The following SEC24B variants were observed in gnomAD, a reference collection of about 807,000 sequenced individuals.
SEC24B encodes protein transport protein Sec24B.
Under a neutral mutation model 142.8 loss-of-function variants are expected in SEC24B, and 45 were observed. That is an observed-to-expected ratio of 0.32 (90% CI 0.25 to 0.40). SEC24B has a LOEUF of 0.40. Ranked by LOEUF, SEC24B falls within the 10% of genes least tolerant of loss-of-function variation. The probability of loss-of-function intolerance (pLI) is 1.00; values close to 1 mark genes in which losing one functional copy is unlikely to be tolerated. For missense variants in SEC24B, 1,409 were observed against 1,526.8 expected (o/e 0.92, Z 1.29); for synonymous variants, 574 against 568.2 (o/e 1.01, Z -0.15).
At chr4:109,534,471 C>T (rs1725283836) in intron 22 of SEC24B, among the ~76,000 whole-genome samples, 1 of 151,900 alleles carries the variant, frequency 6.6e-6, no homozygotes, top group South Asian at 2.1e-4. Context: ...CCTGTAGTCC[C>T]AGCTACTCTG....
chr4:109,503,062 CTTT>C (rs200320332), intron 6 of SEC24B, among the ~76,000 whole-genome samples: 2 of 138,402 alleles, frequency 1.4e-5, no homozygotes, highest in Non-Finnish European at 3.1e-5. Context: ...TTCTTTCTTT[CTTT>C]TTTTTTTTTT....
At chr4:109,505,268 C>A (rs1185807115) in intron 6 of SEC24B, among the ~76,000 whole-genome samples, 2 of 151,670 alleles carry the variant, frequency 1.3e-5, no homozygotes, top group East Asian at 1.9e-4. Context: ...CATTCTAATA[C>A]CAAGAAAAGT....
At chr4:109,498,736 A>G (rs998246732) in intron 6 of SEC24B, among the ~76,000 whole-genome samples, 3 of 152,170 alleles carry the variant, frequency 2.0e-5, no homozygotes, top group African/African-American at 7.2e-5. Flanking sequence ...CAGTCATAAT[A>G]AAGTTGAAAT....
At chr4:109,439,846 C>G (rs566454271) in intron 1 of SEC24B, among the ~76,000 whole-genome samples, 92 of 151,492 alleles carry the variant, frequency 6.1e-4, no homozygotes, top group Middle Eastern at 3.4e-3. Flanking sequence ...GTAGGCCGAG[C>G]ATGGTGGCTT....
intron 1 of SEC24B, among the ~76,000 whole-genome samples, chr4:109,446,331 G>T (rs1729458566): frequency 6.6e-6 from 1 of 152,184 alleles, no homozygotes; most frequent in Non-Finnish European, 1.5e-5. Context: ...GATGGAAGGG[G>T]CCACAAGCCA....
intron 7 of SEC24B, among the ~76,000 whole-genome samples, chr4:109,508,986 TATATA>T (rs1338478448): frequency 6.6e-6 from 1 of 152,122 alleles, no homozygotes; most frequent in Non-Finnish European, 1.5e-5. Context: ...AACTAGTAAA[TATATA>T]ATGTAATGTT....
intron 6 of SEC24B, among the ~76,000 whole-genome samples, chr4:109,499,676 G>A (rs983038397): frequency 2.0e-5 from 3 of 152,174 alleles, no homozygotes; most frequent in African/African-American, 4.8e-5. Context: ...TCATAGCACA[G>A]TGCATTACTC....
rs2126054688 is a variant in SEC24B at position 109,513,778 on chromosome 4, C to T, written c.1935C>T (p.Thr645=). The T allele has an allele frequency of 1.2e-6, 2 of 1,612,922 alleles. No individual in the cohort carries two copies. Among genetic ancestry groups the T allele is most frequent in the East Asian group, 2.2e-5 (1 of 44,812 alleles). Residue 645 remains threonine, a synonymous_variant, in exon 10 of 24, where the codon ACC becomes ACT. Coordinates refer to ENST00000265175, the MANE Select transcript of SEC24B (RefSeq NM_006323.5). The part of the protein sequence containing the change: ...VPEEFMYNPL[T]RSYGEPHKRP... ...AAGAATTTATGTATAACCCCCTTACCCGATCTTATGGAGAGCCTCATAAAC... is the reference window on the plus strand; with the variant it reads ...AAGAATTTATGTATAACCCCCTTACTCGATCTTATGGAGAGCCTCATAAAC...
intron 2 of SEC24B, among the ~76,000 whole-genome samples, chr4:109,469,828 G>A (rs1732329361): frequency 1.3e-5 from 2 of 151,996 alleles, no homozygotes; most frequent in Non-Finnish European, 2.9e-5. Context: ...TTTCCTTATT[G>A]AAAGACAACA....
intron 1 of SEC24B, among the ~76,000 whole-genome samples, chr4:109,441,765 A>G (rs905806873): frequency 1.3e-5 from 2 of 152,206 alleles, no homozygotes; most frequent in Non-Finnish European, 1.5e-5. Flanking sequence ...GTATCCAAGA[A>G]GGATAATTGA....
chr4:109,462,005 C>G (rs745537564), intron 1 of SEC24B, among the ~76,000 whole-genome samples: 3 of 152,050 alleles, frequency 2.0e-5, no homozygotes, highest in Non-Finnish European at 4.4e-5. Flanking sequence ...GCCTGGGCAA[C>G]ACAGTGAGAG....
intron 1 of SEC24B, among the ~76,000 whole-genome samples, chr4:109,456,279 T>A (rs532466429): frequency 2.0e-5 from 3 of 151,940 alleles, no homozygotes; most frequent in Non-Finnish European, 4.4e-5. Context: ...TGGAAGATTT[T>A]TTTGGGATTT....
intron 6 of SEC24B, among the ~76,000 whole-genome samples, chr4:109,496,356 G>A (rs759143317): frequency 1.3e-5 from 2 of 152,046 alleles, no homozygotes; most frequent in African/African-American, 2.4e-5. Context: ...CAAGTGATCC[G>A]CCTGCCTCGG....
At position 109,494,679 on chromosome 4, in the gene SEC24B, TGCTCCAGCTCCA is replaced by T. The variant is rs746452238; in HGVS notation, c.1315_1326del (p.Pro439_Ala442del). ...CCGCCCCTGAACCTGATCCTGCTTCTGCTCCAGCTCCAGCTTCAGCTCCAGCTCCTGTCGTCC... is the reference window on the plus strand; with the variant it reads ...CCGCCCCTGAACCTGATCCTGCTTCTGCTTCAGCTCCAGCTCCTGTCGTCC... On this transcript the variant is annotated inframe_deletion, in exon 6 of 24. Coordinates refer to ENST00000265175, the MANE Select transcript of SEC24B (RefSeq NM_006323.5). 6.2e-7 allele frequency: 1 copy of T among 1,613,880 alleles called. No individual in the cohort carries two copies. The highest frequency in any genetic ancestry group is 2.2e-5 in the East Asian group (1 of 44,884).
rs1012544428 is a variant in SEC24B, at chr4:109,539,844, G to A, written c.*169G>A. 5.2e-6 allele frequency: 3 copies of A among 576,316 alleles called. No individual in the cohort carries two copies. Among genetic ancestry groups the A allele is most frequent in the East Asian group, 2.9e-5 (1 of 34,466 alleles). The allele number at this position is 576,316 out of a possible 1,614,324, so 35.7% of individuals were successfully genotyped here. A position where few individuals can be genotyped will look rare whatever the true frequency, so the allele number is the denominator to read the frequency against. On this transcript the variant is annotated 3_prime_UTR_variant, in exon 24 of 24. Transcript: ENST00000265175. ...GTAAAGGGGAAGAAAGAACTTGACA[G>A]ATCTTTTTCAACTCAAATTAATGGT...
rs539104834 is a variant in SEC24B, at chr4:109,444,214, CAA to C, written c.133+10229_133+10230del. ...GGGCAACAAGAGCTAAACTCCATCT[CAA>C]AAAAAAAAAAAAAAAAGAATAGTTT... On this transcript the variant is annotated intron_variant, in intron 1 of 23. Transcript: ENST00000265175. 9.8e-3 allele frequency among the ~76,000 whole-genome samples: 787 copies of C among 80,152 alleles called. 8 individuals are homozygous for C. The highest frequency in any genetic ancestry group is 0.026 in the African/African-American group (704 of 26,698). The allele number at this position is 80,152 out of a possible 152,430, so 52.6% of individuals were successfully genotyped here.
chr4:109,437,769 C>T (rs529309382), intron 1 of SEC24B, among the ~76,000 whole-genome samples: 264 of 152,234 alleles, frequency 1.7e-3, no homozygotes, highest in African/African-American at 6.1e-3. Context: ...GGCCTACAGG[C>T]GCACACCACC....
Sources: allele counts gnomAD v4.1 joint callset (sites outside exome capture counted in the v4.1 genomes callset), GRCh38; gene constraint gnomAD v4.1.1; transcripts MANE v1.5; gene names NCBI Gene and HGNC (gene_info 2026-07-23, HGNC 2026-07-21).